Variants in CLIP1 observed in about 807,000 individuals in gnomAD.
CLIP1 encodes the protein CAP-Gly domain-containing linker protein 1.
CLIP1 carries 66 observed loss-of-function variants against 161.6 expected under a neutral mutation model. The ratio of observed to expected loss-of-function variants is 0.41; its 90% CI spans 0.33 to 0.50. The LOEUF (loss-of-function observed/expected upper bound fraction) is 0.50, where lower values mean the gene tolerates loss of function less well. Ranked by LOEUF, CLIP1 falls within the 20% of genes least tolerant of loss-of-function variation. The pLI, the probability that CLIP1 is intolerant of heterozygous loss-of-function variation, is 0.27. For synonymous variants in CLIP1, 598 were observed against 626.2 expected (o/e 0.96, Z 0.67); for missense variants, 1,376 against 1,702.0 (o/e 0.81, Z 3.37).
chr12:122,389,390 C>CAATA (rs1180196340), intron 1 of CLIP1, among the ~76,000 whole-genome samples: 2 of 152,110 alleles, frequency 1.3e-5, no homozygotes, highest in Non-Finnish European at 2.9e-5. Flanking sequence ...GAGGTATATC[C>CAATA]AATACCAAAC....
intron 24 of CLIP1, chr12:122,274,546 T>G (rs12815053): frequency 0.25 from 32,972 of 131,128 alleles, 4,558 homozygotes; most frequent in East Asian, 0.6. Context: ...GTTTTGTTTT[T>G]TTTTTTTTTT....
At position 122,380,481 on chromosome 12, in the gene CLIP1, T is replaced by A; in HGVS notation, c.-29A>T. The A allele has an allele frequency of 6.8e-7, 1 of 1,473,478 alleles. No homozygotes were observed. The highest frequency in any genetic ancestry group is 9.5e-7 in the Non-Finnish European group (1 of 1,056,682). The allele number at this position is 1,473,478 out of a possible 1,614,324, so 91.3% of individuals were successfully genotyped here. ...CTTTGTATGTCAGAGCTGTTTCTCC[T>A]TTGCCTGTTGCCACTATCTTTCCCC... On this transcript the variant is annotated 5_prime_UTR_variant, in exon 2 of 26. The change creates a new upstream start codon in the 5' untranslated region. Coordinates refer to ENST00000620786, the MANE Select transcript of CLIP1 (RefSeq NM_001247997.2).
chr12:122,398,714 AT>A (rs897991396), intron 1 of CLIP1, among the ~76,000 whole-genome samples: 2 of 151,032 alleles, frequency 1.3e-5, no homozygotes, highest in Non-Finnish European at 3.0e-5. Context: ...AAAAAAAAAA[AT>A]TTTTTTTAAT....
intron 8 of CLIP1, among the ~76,000 whole-genome samples, chr12:122,351,462 T>C (rs536519789): frequency 1.3e-5 from 2 of 152,310 alleles, no homozygotes; most frequent in East Asian, 3.9e-4. Context: ...AAGATATCTA[T>C]TAAATTGTTA....
chr12:122,358,920 G>T (rs1343382724), intron 5 of CLIP1, among the ~76,000 whole-genome samples: 1 of 152,112 alleles, frequency 6.6e-6, no homozygotes, highest in African/African-American at 2.4e-5. Flanking sequence ...AATTAGCCGG[G>T]CATGGTGGCG....
intron 3 of CLIP1, among the ~76,000 whole-genome samples, chr12:122,372,685 T>G (rs1954516327): frequency 6.6e-6 from 1 of 152,150 alleles, no homozygotes; most frequent in East Asian, 1.9e-4. Context: ...AAATCCATTG[T>G]GTTAGAAACG....
intron 17 of CLIP1, 105 bp downstream of exon 17, chr12:122,327,842 C>T: frequency 4.1e-6 from 4 of 979,562 alleles, no homozygotes; most frequent in Non-Finnish European, 6.3e-6. Flanking sequence ...TCTGTAGAGG[C>T]CACCTTAACT....
intron 20 of CLIP1, among the ~76,000 whole-genome samples, chr12:122,307,815 T>C (rs902826420): frequency 1.3e-5 from 2 of 152,228 alleles, no homozygotes; most frequent in Non-Finnish European, 2.9e-5. Flanking sequence ...GAATGGTCTA[T>C]AATCTTTCTT....
Position 122,272,998 on chromosome 12 carries a change from C to T in CLIP1, c.4194G>A (p.Gln1398=), listed in dbSNP as rs976428600. Residue 1398 remains glutamine, a synonymous_variant, in exon 26 of 26, where the codon CAG becomes CAA. Coordinates refer to ENST00000620786, the MANE Select transcript of CLIP1 (RefSeq NM_001247997.2). ...HDTEDCPTQA[Q]MSEDPPHSTH... is the part of the protein sequence containing the mutation. ...TGGAATGGGGAGGGTCCTCTGACATCTGTGCCTGGGTAGGACAATCCTCTG... is the reference window on the plus strand; with the variant it reads ...TGGAATGGGGAGGGTCCTCTGACATTTGTGCCTGGGTAGGACAATCCTCTG... The T allele has an allele frequency of 1.2e-6, 2 of 1,614,078 alleles. No homozygotes were observed. Among genetic ancestry groups the T allele is most frequent in the Non-Finnish European group, 1.7e-6 (2 of 1,180,040 alleles).
intron 1 of CLIP1, among the ~76,000 whole-genome samples, chr12:122,381,795 C>G (rs1005737928): frequency 6.6e-6 from 1 of 152,174 alleles, no homozygotes; most frequent in African/African-American, 2.4e-5. Context: ...GTGCCCTCCC[C>G]CAAAGACATG....
At chr12:122,421,819 G>A (rs1258235652) in intron 1 of CLIP1, among the ~76,000 whole-genome samples, 2 of 152,160 alleles carry the variant, frequency 1.3e-5, no homozygotes, top group Non-Finnish European at 2.9e-5. Flanking sequence ...GCTAGGTTCT[G>A]CTTGTAAAAT....
At chr12:122,400,370 G>C (rs1312221996) in intron 1 of CLIP1, 1 of 151,926 alleles carries the variant, frequency 6.6e-6, no homozygotes, top group Non-Finnish European at 1.5e-5. Context: ...GGCCTGCTTA[G>C]CCCCAATTTA....
At chr12:122,390,172 G>GATATATATATATATATATATAT (rs71082979) in intron 1 of CLIP1, among the ~76,000 whole-genome samples, 14 of 93,530 alleles carry the variant, frequency 1.5e-4, no homozygotes, top group Non-Finnish European at 2.0e-4. Context: ...CACAGTCTCA[G>GATATATATATATATATATATAT]ATATATATAT....
At chr12:122,368,909 A>T (rs868403756) in intron 3 of CLIP1, among the ~76,000 whole-genome samples, 51 of 152,130 alleles carry the variant, frequency 3.4e-4, no homozygotes, top group East Asian at 7.7e-4. Flanking sequence ...TCAATAAAAA[A>T]AAAATAAAAT....
intron 25 of CLIP1, 51 bp downstream of exon 25, chr12:122,273,987 C>T (rs567338352): frequency 1.0e-5 from 16 of 1,573,486 alleles, no homozygotes; most frequent in Non-Finnish European, 1.4e-5. Flanking sequence ...CCCGCCTCGG[C>T]CTCCCAAAGT....
intron 3 of CLIP1, among the ~76,000 whole-genome samples, chr12:122,376,893 T>C (rs1181747889): frequency 6.6e-6 from 1 of 152,154 alleles, no homozygotes; most frequent in Non-Finnish European, 1.5e-5. Context: ...GCACAGCCAG[T>C]TTCTAATTTG....
At chr12:122,393,425 G>T (rs1955754649) in intron 1 of CLIP1, among the ~76,000 whole-genome samples, 7 of 151,796 alleles carry the variant, frequency 4.6e-5, no homozygotes, top group Admixed American at 4.6e-4. Flanking sequence ...GCCTCCCAGA[G>T]TGCTGGGATT....
At chr12:122,332,909 AT>A in intron 15 of CLIP1, 77 bp downstream of exon 15, 1 of 1,184,536 alleles carries the variant, frequency 8.4e-7, no homozygotes, top group Non-Finnish European at 1.2e-6. Flanking sequence ...AATCCTAAAC[AT>A]TTTGTCTCCC....
rs139638318 is a variant in CLIP1, at chr12:122,355,288, C to A, written c.1030G>T (p.Ala344Ser). The A allele has an allele frequency of 1.2e-6, 2 of 1,613,970 alleles. No individual in the cohort carries two copies. The highest frequency in any genetic ancestry group is 1.7e-5 in the Admixed American group (1 of 60,004). ...GLLTETSSRY[A>S]RKISGTTALQ... Reference sequence around the variant, plus strand: ...GCAGTGGTACCGGAGATCTTCCTGGCGTAACGGGAGGAGGTTTCAGTCAAC... The same window carrying A: ...GCAGTGGTACCGGAGATCTTCCTGGAGTAACGGGAGGAGGTTTCAGTCAAC... Residue 344 changes from alanine to serine, a missense_variant, in exon 6 of 26, where the codon GCC becomes TCC. By Grantham distance (99) the Ala-to-Ser change is moderately conservative (BLOSUM62 1). Around this residue, in one of 6 missense-constraint regions of CLIP1, gnomAD observed 211 missense variants for 295.1 expected, o/e 0.72. Coordinates refer to ENST00000620786, the MANE Select transcript of CLIP1 (RefSeq NM_001247997.2). This position sits in a 1 kb window ranked among gnomAD's most constrained non-coding sequence, Gnocchi z 4.1.
Sources: allele counts gnomAD v4.1 joint callset (sites outside exome capture counted in the v4.1 genomes callset), GRCh38; gene constraint gnomAD v4.1.1; regional missense constraint gnomAD v4.1.1; non-coding constraint Gnocchi (gnomAD v3.1); transcripts MANE v1.5; gene names NCBI Gene and HGNC (gene_info 2026-07-23, HGNC 2026-07-21).